The following PARD3 variants were observed in gnomAD, a reference collection of about 807,000 sequenced individuals.
PARD3 encodes the protein partitioning defective 3 homolog.
Under a neutral mutation model 155.4 loss-of-function variants are expected in PARD3, and 75 were observed. That is an observed-to-expected ratio of 0.48 (90% CI 0.40 to 0.58). PARD3 has a LOEUF of 0.58. PARD3 is among the 20% of genes least tolerant of loss of function. The pLI is 0.00. For synonymous variants in PARD3, 576 were observed against 610.5 expected (o/e 0.94, Z 0.83); for missense variants, 1,642 against 1,721.7 (o/e 0.95, Z 0.82).
chr10:34,760,071 T>C (rs1314267124), intron 1 of PARD3, among the ~76,000 whole-genome samples: 1 of 152,174 alleles, frequency 6.6e-6, no homozygotes, highest in East Asian at 1.9e-4. Context: ...CCAACTATAT[T>C]ATGTAAGTAA....
At chr10:34,413,803 C>G (rs17565687) in intron 5 of PARD3, among the ~76,000 whole-genome samples, 4 of 152,078 alleles carry the variant, frequency 2.6e-5, no homozygotes, top group Admixed American at 6.6e-5. Flanking sequence ...TGACTATAAA[C>G]GTTCTTTAGA....
At chr10:34,484,495 C>T (rs1306216912) in intron 3 of PARD3, among the ~76,000 whole-genome samples, 1 of 152,170 alleles carries the variant, frequency 6.6e-6, no homozygotes, top group Non-Finnish European at 1.5e-5. Flanking sequence ...TTGCTCCTCT[C>T]GAGTACTCAA....
intron 22 of PARD3, among the ~76,000 whole-genome samples, chr10:34,164,937 T>A (rs1489212598): frequency 6.6e-6 from 1 of 152,124 alleles, no homozygotes; most frequent in Admixed American, 6.6e-5. Context: ...TCTCAAGAAA[T>A]CACCTGGCCA....
chr10:34,628,391 T>C (rs551924603), intron 2 of PARD3, among the ~76,000 whole-genome samples: 1 of 152,380 alleles, frequency 6.6e-6, no homozygotes, highest in Non-Finnish European at 1.5e-5. Flanking sequence ...ATTTATTGAA[T>C]TCCTGCTACA....
intron 20 of PARD3, among the ~76,000 whole-genome samples, chr10:34,287,687 T>C (rs1020226482): frequency 6.6e-6 from 1 of 151,376 alleles, no homozygotes; most frequent in African/African-American, 2.4e-5. Context: ...TTTGCCCACA[T>C]AGTCTCATAT....
At position 34,482,422 on chromosome 10, in the gene PARD3, C is replaced by T. The variant is rs540162341; in HGVS notation, c.404-12159G>A. 2.0e-5 allele frequency among the ~76,000 whole-genome samples: 3 copies of T among 152,234 alleles called. No homozygotes were observed. In the East Asian group the frequency reaches 5.8e-4, roughly 29 times the overall value. Reference sequence around the variant, plus strand: ...CTGGCCTCAAGCAGTCCTGCTGTCTCGGTCTCCCAAAGCGCTGGGATTACA... The same window carrying T: ...CTGGCCTCAAGCAGTCCTGCTGTCTTGGTCTCCCAAAGCGCTGGGATTACA... On this transcript the variant is annotated intron_variant, in intron 3 of 24. Coordinates refer to ENST00000374788, the MANE Select transcript of PARD3 (RefSeq NM_001184785.2).
At chr10:34,675,219 T>A (rs2093683094) in intron 2 of PARD3, among the ~76,000 whole-genome samples, 1 of 152,246 alleles carries the variant, frequency 6.6e-6, no homozygotes, top group South Asian at 2.1e-4. Flanking sequence ...ATCATCTAAC[T>A]TTCTGAGTTA....
intron 2 of PARD3, among the ~76,000 whole-genome samples, chr10:34,574,088 T>A (rs1279895806): frequency 6.6e-6 from 1 of 152,098 alleles, no homozygotes; most frequent in East Asian, 1.9e-4. Flanking sequence ...CTATAAGAAT[T>A]CAGGTACTTT....
At chr10:34,318,805 G>A (rs11009732) in intron 19 of PARD3, among the ~76,000 whole-genome samples, 35,831 of 151,644 alleles carry the variant, frequency 0.24, 5,203 homozygotes, top group South Asian at 0.42. Flanking sequence ...TCGCTCTGTC[G>A]CCCAGGCTGG....
intron 22 of PARD3, among the ~76,000 whole-genome samples, chr10:34,156,104 T>C (rs1468058562): frequency 2.0e-5 from 3 of 152,138 alleles, no homozygotes; most frequent in African/African-American, 7.2e-5. Flanking sequence ...GATTCTCATA[T>C]TTTTCTGATT....
chr10:34,390,987 G>A (rs147416047), intron 7 of PARD3, among the ~76,000 whole-genome samples: 3 of 152,172 alleles, frequency 2.0e-5, no homozygotes, highest in Admixed American at 1.3e-4. Flanking sequence ...AGATCCTACA[G>A]GTTCTGCTGA....
chr10:34,275,140 G>A (rs1177347936), intron 21 of PARD3, among the ~76,000 whole-genome samples: 3 of 152,078 alleles, frequency 2.0e-5, no homozygotes, highest in Non-Finnish European at 2.9e-5. Context: ...CCTAATAAAC[G>A]TTAAAGCCCC....
intron 1 of PARD3, among the ~76,000 whole-genome samples, chr10:34,799,249 C>T (rs1457940838): frequency 1.3e-5 from 2 of 152,148 alleles, no homozygotes; most frequent in African/African-American, 4.8e-5. Context: ...ACCATGTTGG[C>T]CAGGCTGGTC....
intron 1 of PARD3, among the ~76,000 whole-genome samples, chr10:34,737,927 C>T (rs1003701003): frequency 6.6e-6 from 1 of 152,138 alleles, no homozygotes; most frequent in African/African-American, 2.4e-5. Context: ...CTCAGAACTG[C>T]CATTGAGAAT....
chr10:34,192,353 C>A (rs1209339850), intron 22 of PARD3, among the ~76,000 whole-genome samples: 1 of 152,150 alleles, frequency 6.6e-6, no homozygotes, highest in Non-Finnish European at 1.5e-5. Context: ...CCACCTTGGC[C>A]TCCCAAAGTG....
At chr10:34,612,345 A>T (rs908519878) in intron 2 of PARD3, among the ~76,000 whole-genome samples, 2 of 152,216 alleles carry the variant, frequency 1.3e-5, no homozygotes, top group African/African-American at 4.8e-5. Context: ...TGAAATATAC[A>T]CACATTTTCC....
intron 2 of PARD3, among the ~76,000 whole-genome samples, chr10:34,649,791 CAT>C (rs2092952138): frequency 6.6e-6 from 1 of 152,206 alleles, no homozygotes; most frequent in Non-Finnish European, 1.5e-5. Context: ...CTTTTTGACT[CAT>C]AATAACACTT....
chr10:34,186,484 A>T (rs1950502139), intron 22 of PARD3, among the ~76,000 whole-genome samples: 1 of 152,042 alleles, frequency 6.6e-6, no homozygotes, highest in South Asian at 2.1e-4. Flanking sequence ...TCCGACCCTC[A>T]ATCTCACCTC....
At chr10:34,811,379 C>T (rs1431560112) in intron 1 of PARD3, among the ~76,000 whole-genome samples, 1 of 152,188 alleles carries the variant, frequency 6.6e-6, no homozygotes, top group African/African-American at 2.4e-5. Context: ...TCGTAGCAGA[C>T]ATTCTGCAGA....
Sources: allele counts gnomAD v4.1 joint callset (sites outside exome capture counted in the v4.1 genomes callset), GRCh38; gene constraint gnomAD v4.1.1; transcripts MANE v1.5; gene names NCBI Gene and HGNC (gene_info 2026-07-23, HGNC 2026-07-21).